Variants in TNRC6B observed in about 807,000 individuals in gnomAD.
The protein encoded by TNRC6B is trinucleotide repeat containing adaptor 6B.
A neutral mutation model predicts 203.6 loss-of-function variants in TNRC6B; 52 were observed. The observed-to-expected ratio is 0.26, with a 90% CI of 0.20 to 0.32. TNRC6B has a LOEUF of 0.32. Ranked by LOEUF, TNRC6B falls within the 10% of genes least tolerant of loss-of-function variation. The probability of loss-of-function intolerance (pLI) is 1.00; values close to 1 mark genes in which losing one functional copy is unlikely to be tolerated. For synonymous variants in TNRC6B, 838 were observed against 845.7 expected (o/e 0.99, Z 0.16); for missense variants, 1,923 against 2,286.2 (o/e 0.84, Z 3.24).
intron 1 of TNRC6B, among the ~76,000 whole-genome samples, chr22:40,072,038 G>C (rs1364313317): frequency 1.3e-5 from 2 of 152,040 alleles, no homozygotes; most frequent in Non-Finnish European, 2.9e-5. Flanking sequence ...AAATCTTTTT[G>C]TAGAGACAGG....
intron 1 of TNRC6B, among the ~76,000 whole-genome samples, chr22:40,104,399 A>G (rs1158962476): frequency 6.6e-6 from 1 of 152,202 alleles, no homozygotes; most frequent in Non-Finnish European, 1.5e-5. Context: ...GCCATAGGAA[A>G]CCTATCAAGA....
intron 1 of TNRC6B, among the ~76,000 whole-genome samples, chr22:40,204,448 C>T (rs2069453165): frequency 6.6e-6 from 1 of 152,234 alleles, no homozygotes; most frequent in African/African-American, 2.4e-5. Context: ...CAGGGACTAA[C>T]AGAGTCCAGA....
intron 1 of TNRC6B, among the ~76,000 whole-genome samples, chr22:40,075,156 A>ATATATATATATATATTTT: frequency 2.8e-5 from 1 of 35,554 alleles, no homozygotes; most frequent in Non-Finnish European, 5.2e-5. Flanking sequence ...ATATATATAT[A>ATATATATATATATATTTT]TTTTTTTTTT....
chr22:40,154,033 C>T (rs1386264163), intron 3 of TNRC6B, among the ~76,000 whole-genome samples: 1 of 151,294 alleles, frequency 6.6e-6, no homozygotes, highest in Non-Finnish European at 1.5e-5. Context: ...AGTGCAGTGG[C>T]TATTCACAGG....
chr22:40,220,996 G>A (rs1750504012), intron 1 of TNRC6B, among the ~76,000 whole-genome samples: 1 of 152,142 alleles, frequency 6.6e-6, no homozygotes, highest in Admixed American at 6.5e-5. Context: ...CCTTTAGCCA[G>A]AAGGCTTGGC....
chr22:40,230,875 T>A (rs2069860442), intron 1 of TNRC6B, among the ~76,000 whole-genome samples: 1 of 152,194 alleles, frequency 6.6e-6, no homozygotes, highest in Non-Finnish European at 1.5e-5. Flanking sequence ...TAGTTTTAGA[T>A]TTTACATCTA....
intron 4 of TNRC6B, among the ~76,000 whole-genome samples, chr22:40,170,948 G>GT: frequency 7.1e-6 from 1 of 140,044 alleles, no homozygotes; most frequent in African/African-American, 2.6e-5. Context: ...TGTACATATA[G>GT]GTGTATATAT....
chr22:40,152,610 G>T (rs993705290), intron 3 of TNRC6B, among the ~76,000 whole-genome samples: 1 of 151,960 alleles, frequency 6.6e-6, no homozygotes, highest in Non-Finnish European at 1.5e-5. Flanking sequence ...TTACAGGCGT[G>T]AGCCATCGCA....
chr22:40,197,514 C>G (rs756260956), intron 1 of TNRC6B, among the ~76,000 whole-genome samples: 2 of 151,836 alleles, frequency 1.3e-5, no homozygotes, highest in Non-Finnish European at 2.9e-5. Flanking sequence ...TTCTCAAACT[C>G]CTGACCTCAT....
chr22:40,105,259 T>C (rs1398401681), intron 1 of TNRC6B, among the ~76,000 whole-genome samples: 5 of 152,266 alleles, frequency 3.3e-5, no homozygotes, highest in Admixed American at 2.0e-4. Flanking sequence ...GTATTAATTT[T>C]ATTTTTGTTT....
Position 40,285,775 on chromosome 22 carries a change from G to T in TNRC6B, c.3708+5G>T. 1 of 1,612,544 alleles carries T rather than the reference G, an allele frequency of 6.2e-7. No individual in the cohort carries two copies. The highest frequency in any genetic ancestry group is 2.2e-5 in the East Asian group (1 of 44,866). On this transcript the variant is annotated splice_donor_5th_base_variant and intron_variant, in intron 12 of 22. Transcript: ENST00000454349. The stretch of plus-strand genomic sequence containing the variant: ...CCCCAGTTTATTTCCCCCCAGGTAA[G>T]CAATTTTACGTTCCTGTGATTCAAA...
intron 1 of TNRC6B, among the ~76,000 whole-genome samples, chr22:40,188,571 A>G (rs1054368245): frequency 2.0e-5 from 3 of 152,176 alleles, no homozygotes; most frequent in Non-Finnish European, 1.5e-5. Context: ...GCTCCCCTCC[A>G]GGATCCCAGG....
chr22:40,309,702 G>A (rs2071146437), intron 16 of TNRC6B, among the ~76,000 whole-genome samples: 1 of 152,206 alleles, frequency 6.6e-6, no homozygotes, highest in African/African-American at 2.4e-5. Flanking sequence ...TGGCATGTGA[G>A]AGGATATCTC....
At chr22:40,313,499 A>G (rs2071215030) in intron 19 of TNRC6B, among the ~76,000 whole-genome samples, 1 of 152,082 alleles carries the variant, frequency 6.6e-6, no homozygotes, top group Non-Finnish European at 1.5e-5. Flanking sequence ...TTTTTAAAAG[A>G]TATTAGGAAA....
At chr22:40,177,150 T>G (rs1274466094), upstream of TNRC6B, among the ~76,000 whole-genome samples, 1 of 152,082 alleles carries the variant, frequency 6.6e-6, no homozygotes, top group Non-Finnish European at 1.5e-5. Context: ...GGAAACCAGG[T>G]AGGTTTTAAT....
chr22:40,276,970 G>A, intron 7 of TNRC6B, 107 bp from the exon 8 acceptor site: 1 of 681,570 alleles, frequency 1.5e-6, no homozygotes, highest in South Asian at 3.5e-5. Flanking sequence ...AAGAGAAATA[G>A]GACTTAAAAA....
At chr22:40,311,949 A>T (rs757148811) in intron 17 of TNRC6B, among the ~76,000 whole-genome samples, 28 of 152,272 alleles carry the variant, frequency 1.8e-4, no homozygotes, top group Admixed American at 9.8e-4. Context: ...TTAAAATTTT[A>T]AAATGATTTA....
chr22:40,164,565 C>G (rs996954488), intron 4 of TNRC6B, among the ~76,000 whole-genome samples: 1 of 150,906 alleles, frequency 6.6e-6, no homozygotes, highest in African/African-American at 2.4e-5. Flanking sequence ...GAGTCCAAGA[C>G]CAGCCTGACC....
At chr22:40,204,584 G>A (rs1037621541) in intron 1 of TNRC6B, among the ~76,000 whole-genome samples, 1 of 152,144 alleles carries the variant, frequency 6.6e-6, no homozygotes, top group Admixed American at 6.5e-5. Context: ...GTGGAACTTG[G>A]GTTTCAATGT....
Sources: gnomAD v4.1 joint callset for allele counts (sites outside exome capture counted in the v4.1 genomes callset) on GRCh38, gnomAD v4.1.1 for gene constraint, MANE v1.5 for transcripts, NCBI Gene and HGNC (gene_info 2026-07-23, HGNC 2026-07-21) for gene names.